BTBD9: variants seen among roughly 807,000 people sequenced by gnomAD.
The protein encoded by BTBD9 is BTB domain containing 9.
Under a neutral mutation model 64.3 loss-of-function variants are expected in BTBD9, and 49 were observed. That is an observed-to-expected ratio of 0.76 (90% CI 0.61 to 0.97). The LOEUF (loss-of-function observed/expected upper bound fraction) is 0.97, where lower values mean the gene tolerates loss of function less well. BTBD9 is among the 50% of genes least tolerant of loss of function. The pLI is 0.00. For missense variants in BTBD9, 598 were observed against 762.1 expected (o/e 0.78, Z 2.53); for synonymous variants, 260 against 274.7 (o/e 0.95, Z 0.53).
intron 6 of BTBD9, among the ~76,000 whole-genome samples, chr6:38,457,329 A>C (rs553895197): frequency 1.1e-4 from 16 of 152,332 alleles, no homozygotes; most frequent in African/African-American, 3.8e-4. Flanking sequence ...CCAAGCAAGA[A>C]GACCAGTTAG....
At chr6:38,182,447 T>A in intron 10 of BTBD9, among the ~76,000 whole-genome samples, 1 of 152,132 alleles carries the variant, frequency 6.6e-6, no homozygotes, top group East Asian at 1.9e-4. Flanking sequence ...AAGGGAAGTG[T>A]TCTTGTTCGC....
chr6:38,535,034 A>C (rs917377149), intron 6 of BTBD9, among the ~76,000 whole-genome samples: 5 of 152,288 alleles, frequency 3.3e-5, no homozygotes, highest in Admixed American at 6.5e-5. Flanking sequence ...ATCAGATAAC[A>C]GAAAGAAATA....
chr6:38,445,627 A>C (rs1769242318), intron 6 of BTBD9, among the ~76,000 whole-genome samples: 1 of 152,200 alleles, frequency 6.6e-6, no homozygotes, highest in Admixed American at 6.5e-5. Flanking sequence ...AGACTTGTTA[A>C]AAAAATATTC....
At chr6:38,446,359 A>G (rs376763456) in intron 6 of BTBD9, among the ~76,000 whole-genome samples, 3 of 152,236 alleles carry the variant, frequency 2.0e-5, no homozygotes, top group African/African-American at 7.2e-5. Flanking sequence ...AGGCAAAAGA[A>G]AGAGAATAGC....
chr6:38,287,816 C>T (rs1761804760), intron 8 of BTBD9, among the ~76,000 whole-genome samples: 1 of 152,178 alleles, frequency 6.6e-6, no homozygotes, highest in African/African-American at 2.4e-5. Flanking sequence ...TTAAAGTTCC[C>T]TTCTTAAAAC....
At chr6:38,350,768 T>G (rs917903784) in intron 6 of BTBD9, among the ~76,000 whole-genome samples, 10 of 152,258 alleles carry the variant, frequency 6.6e-5, no homozygotes, top group African/African-American at 2.2e-4. Flanking sequence ...TGTTGTTTGT[T>G]GTGGCCAGAG....
Position 38,580,146 on chromosome 6 carries a change from C to A in BTBD9, c.1034+72G>T, listed in dbSNP as rs1033272878. 16 of 1,434,552 alleles carry A rather than the reference C, an allele frequency of 1.1e-5. No homozygotes were observed. The African/African-American group carries it at 2.3e-4, about 20-fold the overall frequency. 88.9% of individuals were successfully genotyped at this position (1,434,552 alleles called of 1,614,324 possible). ...GAAATAAACCATCATATCTGTAAAA[C>A]AAAAGTAGATGACCACAAAGCTAAG... On this transcript the variant is annotated intron_variant, in intron 5 of 10. Transcript: ENST00000481247.
At chr6:38,346,863 C>T (rs1469031482) in intron 6 of BTBD9, among the ~76,000 whole-genome samples, 4 of 152,136 alleles carry the variant, frequency 2.6e-5, no homozygotes, top group Non-Finnish European at 5.9e-5. Context: ...TGTCTGCAAC[C>T]TTGGAGGGAA....
chr6:38,593,151 A>C (rs1407444586), intron 3 of BTBD9, among the ~76,000 whole-genome samples: 1 of 152,234 alleles, frequency 6.6e-6, no homozygotes. Flanking sequence ...CTGTCAATAC[A>C]TTCAGATTCT....
chr6:38,568,243 G>A (rs1440631262), intron 6 of BTBD9, among the ~76,000 whole-genome samples: 1 of 152,132 alleles, frequency 6.6e-6, no homozygotes, highest in Non-Finnish European at 1.5e-5. Context: ...GCCAAAGTAA[G>A]CAGGATAGAA....
intron 6 of BTBD9, among the ~76,000 whole-genome samples, chr6:38,498,677 T>C (rs945049673): frequency 6.6e-6 from 1 of 151,990 alleles, no homozygotes; most frequent in Non-Finnish European, 1.5e-5. Flanking sequence ...CTACACACCA[T>C]CCAATTTCAA....
intron 6 of BTBD9, among the ~76,000 whole-genome samples, chr6:38,499,952 C>T (rs541704890): frequency 6.0e-4 from 91 of 152,252 alleles, no homozygotes; most frequent in Non-Finnish European, 1.2e-3. Flanking sequence ...TTAAGCTGAG[C>T]TCCGTATCTT....
chr6:38,626,976 T>C (rs963964988), intron 1 of BTBD9, among the ~76,000 whole-genome samples: 4 of 152,236 alleles, frequency 2.6e-5, no homozygotes, highest in African/African-American at 9.6e-5. Context: ...CACAATTACT[T>C]CAGTAAAGTA....
chr6:38,366,945 A>G (rs569033196), intron 6 of BTBD9, among the ~76,000 whole-genome samples: 7 of 152,356 alleles, frequency 4.6e-5, no homozygotes, highest in Admixed American at 3.9e-4. Flanking sequence ...TGTCCTGACT[A>G]TAGAGACCTG....
intron 9 of BTBD9, among the ~76,000 whole-genome samples, chr6:38,220,471 T>A (rs953072563): frequency 3.3e-4 from 51 of 152,250 alleles, no homozygotes; most frequent in Non-Finnish European, 8.8e-5. Context: ...CCTTTCTGCA[T>A]GGTTTGAAAA....
intron 1 of BTBD9, among the ~76,000 whole-genome samples, chr6:38,627,631 T>C (rs932782176): frequency 1.3e-5 from 2 of 152,148 alleles, no homozygotes; most frequent in East Asian, 3.9e-4. Context: ...GAGGTGGAAC[T>C]GGATGTCTGT....
At chr6:38,582,760 G>A (rs1031257889) in intron 4 of BTBD9, among the ~76,000 whole-genome samples, 1 of 152,174 alleles carries the variant, frequency 6.6e-6, no homozygotes, top group Non-Finnish European at 1.5e-5. Context: ...TAGTCTCTCT[G>A]AATCTGCTTT....
chr6:38,403,007 A>C (rs1767004034), intron 6 of BTBD9: 1 of 348,986 alleles, frequency 2.9e-6, no homozygotes, highest in African/African-American at 2.2e-5. Context: ...TGGGACACAG[A>C]GGCTGCAGTG....
At chr6:38,460,945 G>A (rs1223257669) in intron 6 of BTBD9, among the ~76,000 whole-genome samples, 2 of 152,146 alleles carry the variant, frequency 1.3e-5, no homozygotes, top group African/African-American at 4.8e-5. Flanking sequence ...TTTTTTTAAA[G>A]GCTGGATAAC....
Sources: allele counts gnomAD v4.1 joint callset (sites outside exome capture counted in the v4.1 genomes callset), GRCh38; gene constraint gnomAD v4.1.1; transcripts MANE v1.5; gene names NCBI Gene and HGNC (gene_info 2026-07-23, HGNC 2026-07-21).